DNM2: variants seen among roughly 807,000 people sequenced by gnomAD.
The protein encoded by DNM2 is dynamin 2.
A neutral mutation model predicts 99.0 loss-of-function variants in DNM2; 15 were observed. That is an observed-to-expected ratio of 0.15 (90% CI 0.10 to 0.23). The LOEUF is 0.23. Ranked by LOEUF, DNM2 falls within the 10% of genes least tolerant of loss-of-function variation. The pLI, the probability that DNM2 is intolerant of heterozygous loss-of-function variation, is 1.00. For synonymous variants in DNM2, 525 were observed against 481.2 expected, an observed-to-expected ratio of 1.09 and a Z score of -1.19; for missense variants, 742 against 1,189.4, an observed-to-expected ratio of 0.62 and a Z score of 5.53.
At chr19:10,747,902 C>T (rs529233855) in intron 1 of DNM2, among the ~76,000 whole-genome samples, 153 of 152,214 alleles carry the variant, frequency 1.0e-3, no homozygotes, top group African/African-American at 3.4e-3. Context: ...GGGAGCTGCC[C>T]GCCTGCTCTG....
chr19:10,774,780 T>TA (rs1314046995), intron 3 of DNM2, among the ~76,000 whole-genome samples: 1 of 118,886 alleles, frequency 8.4e-6, no homozygotes, highest in Non-Finnish European at 1.9e-5. Flanking sequence ...TATATATTTA[T>TA]TTTTTTTTTT....
chr19:10,731,954 T>A (rs2069335747), intron 1 of DNM2, among the ~76,000 whole-genome samples: 1 of 133,150 alleles, frequency 7.5e-6, no homozygotes, highest in Non-Finnish European at 1.6e-5. Context: ...ACAGGCTTGA[T>A]TTTTTTTTTT....
At chr19:10,734,536 G>C in intron 1 of DNM2, among the ~76,000 whole-genome samples, 1 of 150,050 alleles carries the variant, frequency 6.7e-6, no homozygotes, top group Non-Finnish European at 1.5e-5. Flanking sequence ...CTCCTCTGGA[G>C]GCTGAGACAG....
Position 10,775,620 on chromosome 19 carries a change from G to T in DNM2, c.386-83G>T. 6.7e-7 allele frequency: 1 copy of T among 1,501,248 alleles called. No homozygotes were observed. The allele number at this position is 1,501,248 out of a possible 1,614,324, so 93.0% of individuals were successfully genotyped here. A position where few individuals can be genotyped will look rare whatever the true frequency, so the allele number is the denominator to read the frequency against. ...AGTCTGAGCCCCGCGCAGGAACTTT[G>T]GTAGTCAGCTGGGTGGCTGCGGGCC... is the stretch of plus-strand genomic sequence containing the variant. On this transcript the variant is annotated intron_variant, in intron 3 of 20. Transcript: ENST00000389253. This position sits in a 1 kb window ranked among gnomAD's most constrained non-coding sequence, Gnocchi z 4.3.
intron 7 of DNM2, 140 bp from the exon 8 acceptor site, chr19:10,793,580 A>G: frequency 6.6e-7 from 1 of 1,508,068 alleles, no homozygotes. Flanking sequence ...AATTTGGTTT[A>G]TTTGTCTTAA....
At chr19:10,794,992 T>G (rs181633482) in intron 8 of DNM2, among the ~76,000 whole-genome samples, 1 of 152,246 alleles carries the variant, frequency 6.6e-6, no homozygotes, top group Non-Finnish European at 1.5e-5. Context: ...CAATCACAGC[T>G]CACTGCAGCT....
chr19:10,771,042 C>T (rs1382393768), intron 2 of DNM2, among the ~76,000 whole-genome samples: 1 of 152,204 alleles, frequency 6.6e-6, no homozygotes, highest in Admixed American at 6.5e-5. Flanking sequence ...ATCCACCCTC[C>T]TCGGCGTCCC....
At chr19:10,787,365 G>A (rs945189072) in intron 7 of DNM2, among the ~76,000 whole-genome samples, 8 of 151,956 alleles carry the variant, frequency 5.3e-5, no homozygotes, top group Admixed American at 1.3e-4. Flanking sequence ...CAGCTACTTG[G>A]GAGGCTGAGG....
intron 1 of DNM2, among the ~76,000 whole-genome samples, chr19:10,733,337 G>A (rs961429243): frequency 6.6e-6 from 1 of 151,146 alleles, no homozygotes; most frequent in Non-Finnish European, 1.5e-5. Flanking sequence ...GACCACAGGC[G>A]CGCACCACAA....
In DNM2 at chr19:10,830,643, C is replaced by T. The variant is rs2073311680; in HGVS notation, c.2543+265C>T. On this transcript the variant is annotated intron_variant, in intron 20 of 20. Transcript: ENST00000389253. This position sits in a 1 kb window ranked among gnomAD's most constrained non-coding sequence, Gnocchi z 4.8. ...GTGTGCCACCAGGCAGCTGGGGAAC[C>T]CTCACACTGGGCACCTCCTCCCACT... 1.7e-6 allele frequency: 1 copy of T among 592,022 alleles called. No individual in the cohort carries two copies. Among genetic ancestry groups the T allele is most frequent in the Non-Finnish European group, 3.0e-6 (1 of 336,854 alleles). The allele number at this position is 592,022 out of a possible 1,614,324, so 36.7% of individuals were successfully genotyped here.
chr19:10,790,214 C>A (rs998885108), intron 7 of DNM2, among the ~76,000 whole-genome samples: 1 of 152,234 alleles, frequency 6.6e-6, no homozygotes, highest in African/African-American at 2.4e-5. Context: ...TAAAGCAAAG[C>A]CTGGAGCCTT....
At position 10,818,272 on chromosome 19, in the gene DNM2, C is replaced by T. The variant is rs947135715; in HGVS notation, c.1672-1708C>T. Among the ~76,000 whole-genome samples the T allele has an allele frequency of 8.3e-6, 1 of 119,808 alleles. No homozygotes were observed. The highest frequency in any genetic ancestry group is 1.8e-5 in the Non-Finnish European group (1 of 54,096). The allele number at this position is 119,808 out of a possible 152,430, so 78.6% of individuals were successfully genotyped here. ...CCCCTCTCCTATGCTCTGCTCCCTC[C>T]ATGGCCACCGGGCCCCTCTTCCTAT... is the stretch of plus-strand genomic sequence containing the variant. On this transcript the variant is annotated intron_variant, in intron 15 of 20. Transcript: ENST00000389253. The surrounding 1 kb of genome is among the most constrained non-coding windows in gnomAD (Gnocchi z 4.3).
chr19:10,795,170 C>T lies in DNM2; in HGVS notation c.1129-202C>T, dbSNP rs1432804981. Among the ~76,000 whole-genome samples the T allele has an allele frequency of 6.6e-6, 1 of 152,216 alleles. No individual in the cohort carries two copies. Among genetic ancestry groups the T allele is most frequent in the Non-Finnish European group, 1.5e-5 (1 of 68,044 alleles). On this transcript the variant is annotated intron_variant, in intron 8 of 20. Coordinates refer to ENST00000389253, the MANE Select transcript of DNM2 (RefSeq NM_001005361.3). The surrounding 1 kb of genome is among the most constrained non-coding windows in gnomAD (Gnocchi z 4.2). ...TCCTGGGCTCAAGCCATCTGCCTGC[C>T]TTGGCCTCCCAAAGTGCTGAGATTA...
chr19:10,774,178 A>G (rs1054433096), intron 3 of DNM2, among the ~76,000 whole-genome samples: 1 of 152,194 alleles, frequency 6.6e-6, no homozygotes, highest in African/African-American at 2.4e-5. Context: ...GGTTTCACAC[A>G]CCTGTCATTC....
intron 1 of DNM2, among the ~76,000 whole-genome samples, chr19:10,744,578 C>G (rs973912764): frequency 6.6e-6 from 1 of 152,068 alleles, no homozygotes; most frequent in African/African-American, 2.4e-5. Flanking sequence ...TGGGTGGTGC[C>G]CGGCTGCCTG....
At chr19:10,737,325 A>G (rs1191561910) in intron 1 of DNM2, among the ~76,000 whole-genome samples, 1 of 151,732 alleles carries the variant, frequency 6.6e-6, no homozygotes, top group Non-Finnish European at 1.5e-5. Context: ...GGCTCATTTC[A>G]TCAGCATTCT....
intron 18 of DNM2, among the ~76,000 whole-genome samples, chr19:10,825,822 C>A (rs1266537324): frequency 1.3e-5 from 2 of 148,720 alleles, no homozygotes; most frequent in African/African-American, 5.1e-5. Context: ...CCACTGCACT[C>A]CAGCCTGGTT....
At chr19:10,814,924 C>T (rs2072682637) in intron 15 of DNM2, among the ~76,000 whole-genome samples, 1 of 152,184 alleles carries the variant, frequency 6.6e-6, no homozygotes, top group African/African-American at 2.4e-5. Flanking sequence ...CTGATGCGGT[C>T]CAGGTTGGCT....
intron 6 of DNM2, 25 bp from the exon 7 acceptor site, chr19:10,786,539 C>G (rs1242137003): frequency 6.2e-7 from 1 of 1,613,786 alleles, no homozygotes; most frequent in African/African-American, 1.3e-5. Context: ...GCCACCCTTT[C>G]TGATCTCTGA....
Sources: gnomAD v4.1 joint callset for allele counts (sites outside exome capture counted in the v4.1 genomes callset) on GRCh38, gnomAD v4.1.1 for gene constraint, Gnocchi (gnomAD v3.1) non-coding constraint, MANE v1.5 for transcripts, NCBI Gene and HGNC (gene_info 2026-07-23, HGNC 2026-07-21) for gene names.